ISX: variants seen among roughly 807,000 people sequenced by gnomAD.
The protein encoded by ISX is intestine-specific homeobox.
Under a neutral mutation model 16.9 loss-of-function variants are expected in ISX, and 15 were observed. The observed-to-expected ratio is 0.89, with a 90% CI of 0.59 to 1.36. ISX has a LOEUF of 1.36. Among genes scored for constraint, ISX ranks in the 40% most tolerant of loss-of-function variants. The probability of loss-of-function intolerance (pLI) is 0.00; values close to 1 mark genes in which losing one functional copy is unlikely to be tolerated. For synonymous variants in ISX, 125 were observed against 119.7 expected, an observed-to-expected ratio of 1.04 and a Z score of -0.29; for missense variants, 316 against 306.1, an observed-to-expected ratio of 1.03 and a Z score of -0.24.
At chr22:35,073,175 A>T (rs1254335343) in intron 2 of ISX, among the ~76,000 whole-genome samples, 3 of 152,202 alleles carry the variant, frequency 2.0e-5, no homozygotes, top group African/African-American at 7.2e-5. Context: ...CATTTCATTC[A>T]TTAGAAATGA....
Position 35,082,539 on chromosome 22 carries a change from G to T in ISX, c.251G>T (p.Arg84Met). The T allele has an allele frequency of 6.2e-7, 1 of 1,614,094 alleles. No homozygotes were observed. Among genetic ancestry groups the T allele is most frequent in the Non-Finnish European group, 8.5e-7 (1 of 1,179,980 alleles). The change falls in exon 3 of 5, where the codon AGG becomes ATG. Residue 84 changes from arginine (R) to methionine (M), a missense_variant. Coordinates refer to ENST00000404699, the MANE Select transcript of ISX (RefSeq NM_001303508.2). The stretch of plus-strand genomic sequence containing the variant: ...GCAGAAGGAAGGAAGAGCAAGCGGA[G>T]GGTTCGTACCACCTTCACCACTGAG... ...QPQEGRKSKR[R>M]VRTTFTTEQL...
chr22:35,071,892 C>A (rs1928863731), intron 2 of ISX, among the ~76,000 whole-genome samples: 1 of 152,144 alleles, frequency 6.6e-6, no homozygotes, highest in Non-Finnish European at 1.5e-5. Flanking sequence ...TCCTCCTCCC[C>A]TGAACTACCT....
At chr22:35,072,209 A>C (rs1928872059) in intron 2 of ISX, among the ~76,000 whole-genome samples, 1 of 152,190 alleles carries the variant, frequency 6.6e-6, no homozygotes, top group Non-Finnish European at 1.5e-5. Context: ...AGAATTGAGA[A>C]CCTGGCTCAG....
intron 2 of ISX, among the ~76,000 whole-genome samples, chr22:35,082,250 C>A (rs1177993467): frequency 2.6e-5 from 4 of 152,248 alleles, no homozygotes; most frequent in Admixed American, 1.3e-4. Flanking sequence ...AAAAGGAAGT[C>A]ATTGAAGGCA....
In ISX at chr22:35,084,487, T is replaced by A; in HGVS notation, c.486T>A (p.Asn162Lys). 6.2e-7 allele frequency: 1 copy of A among 1,610,824 alleles called. No individual in the cohort carries two copies. The highest frequency in any genetic ancestry group is 1.7e-5 in the Admixed American group (1 of 59,822). Residue 162 changes from asparagine (N) to lysine (K), a missense_variant, in exon 4 of 5, where the codon AAT becomes AAA. Coordinates refer to ENST00000404699, the MANE Select transcript of ISX (RefSeq NM_001303508.2). ...LSEASVALPT[N>K]LDVAGPTWTS... Reference sequence around the variant, plus strand: ...AAGCCAGTGTGGCCCTGCCCACAAATCTGGATGTGGCTGTAAGTGGCTGAG... The same window carrying A: ...AAGCCAGTGTGGCCCTGCCCACAAAACTGGATGTGGCTGTAAGTGGCTGAG...
chr22:35,070,700 C>G (rs1928828063), intron 2 of ISX, among the ~76,000 whole-genome samples: 1 of 152,242 alleles, frequency 6.6e-6, no homozygotes, highest in Non-Finnish European at 1.5e-5. Flanking sequence ...AGTGACTACT[C>G]ACCTGGAGGG....
chr22:35,082,758 C>A, intron 3 of ISX, 89 bp downstream of exon 3: 1 of 1,409,756 alleles, frequency 7.1e-7, no homozygotes, highest in Non-Finnish European at 9.7e-7. Flanking sequence ...TCGGGTTGCC[C>A]CATCTAAAAG....
chr22:35,076,489 C>G (rs905283535), intron 2 of ISX, among the ~76,000 whole-genome samples: 1 of 152,176 alleles, frequency 6.6e-6, no homozygotes, highest in Non-Finnish European at 1.5e-5. Flanking sequence ...CATGGGGAGA[C>G]TCCTGCCCCG....
chr22:35,074,870 G>GCACA (rs34751405), intron 2 of ISX, among the ~76,000 whole-genome samples: 86,011 of 151,492 alleles, frequency 0.57, 24,883 homozygotes, highest in Middle Eastern at 0.65. Context: ...ACACACACGT[G>GCACA]CACACACACA....
chr22:35,076,711 G>A (rs2146291506), intron 2 of ISX, among the ~76,000 whole-genome samples: 1 of 152,310 alleles, frequency 6.6e-6, no homozygotes, highest in South Asian at 2.1e-4. Flanking sequence ...AGGGGAGGGT[G>A]CTGAGCGAGG....
intron 3 of ISX, among the ~76,000 whole-genome samples, chr22:35,083,737 C>T (rs1326744017): frequency 6.6e-6 from 1 of 152,172 alleles, no homozygotes; most frequent in Non-Finnish European, 1.5e-5. Flanking sequence ...GACTTCTCTC[C>T]TTTTTCTTCC....
At chr22:35,073,548 G>C (rs1425234107) in intron 2 of ISX, among the ~76,000 whole-genome samples, 2 of 152,186 alleles carry the variant, frequency 1.3e-5, no homozygotes, top group South Asian at 2.1e-4. Flanking sequence ...ACAAATGAAA[G>C]TACAATTACA....
In ISX at chr22:35,082,807, C is replaced by T; in HGVS notation, c.381+138C>T. On this transcript the variant is annotated intron_variant, in intron 3 of 4. Transcript: ENST00000404699. ...TATCCTGTGAGTACAGTCATTTTGG[C>T]CAAATATTATTTTCCATGAAATGAG... 11 of 825,512 alleles carry T rather than the reference C, an allele frequency of 1.3e-5. No homozygotes were observed. The South Asian group carries it at 1.9e-4, about 14-fold the overall frequency. The allele number at this position is 825,512 out of a possible 1,614,324, so 51.1% of individuals were successfully genotyped here. A position where few individuals can be genotyped will look rare whatever the true frequency, so the allele number is the denominator to read the frequency against.
chr22:35,070,652 T>C (rs1268362126), intron 2 of ISX, among the ~76,000 whole-genome samples: 1 of 152,156 alleles, frequency 6.6e-6, no homozygotes, highest in African/African-American at 2.4e-5. Flanking sequence ...TGGGCCAGGC[T>C]GGGGGCTGGG....
chr22:35,084,520 G>T, intron 4 of ISX, 21 bp downstream of exon 4: 2 of 1,521,674 alleles, frequency 1.3e-6, no homozygotes, highest in Non-Finnish European at 1.8e-6. Context: ...GAGGCCTCAA[G>T]GTAGGGTGGA....
At chr22:35,070,889 G>A (rs369257142) in intron 2 of ISX, among the ~76,000 whole-genome samples, 2 of 152,188 alleles carry the variant, frequency 1.3e-5, no homozygotes, top group Admixed American at 1.3e-4. Context: ...ATGGTCAGAT[G>A]GTCTCTGTCA....
chr22:35,083,560 C>T (rs1929173525), intron 3 of ISX, among the ~76,000 whole-genome samples: 1 of 152,258 alleles, frequency 6.6e-6, no homozygotes, highest in African/African-American at 2.4e-5. Flanking sequence ...CGACGTTCCA[C>T]CAGATCTCAC....
chr22:35,066,889 C>T lies in ISX; in HGVS notation c.-199C>T. The T allele has an allele frequency of 1.7e-6, 1 of 575,394 alleles. No individual in the cohort carries two copies. Among genetic ancestry groups the T allele is most frequent in the East Asian group, 2.9e-5 (1 of 34,846 alleles). The allele number at this position is 575,394 out of a possible 1,614,324, so 35.6% of individuals were successfully genotyped here. A position where few individuals can be genotyped will look rare whatever the true frequency, so the allele number is the denominator to read the frequency against. On this transcript the variant is annotated 5_prime_UTR_variant, in exon 2 of 5. Coordinates refer to ENST00000404699, the MANE Select transcript of ISX (RefSeq NM_001303508.2). ...GGGCTGAGCCGTGGGCACAGGATAC[C>T]ACTCCTTCCAGCTCTTCTGCTGTGA...
At chr22:35,069,219 C>T (rs1928786977) in intron 2 of ISX, among the ~76,000 whole-genome samples, 1 of 152,156 alleles carries the variant, frequency 6.6e-6, no homozygotes, top group South Asian at 2.1e-4. Flanking sequence ...TTGAGTCAAA[C>T]ACAAAAGTCT....
Sources: gnomAD v4.1 joint callset for allele counts (sites outside exome capture counted in the v4.1 genomes callset) on GRCh38, gnomAD v4.1.1 for gene constraint, MANE v1.5 for transcripts, NCBI Gene and HGNC (gene_info 2026-07-23, HGNC 2026-07-21) for gene names.